GMPR: variants seen among roughly 807,000 people sequenced by gnomAD.
GMPR encodes the protein GMP reductase 1.
In GMPR, 31 loss-of-function variants were observed where a neutral mutation model predicts 38.4. The ratio of observed to expected loss-of-function variants is 0.81; its 90% confidence interval spans 0.61 to 1.09. GMPR has a LOEUF of 1.09. Among genes scored for constraint, GMPR ranks in the 50% least tolerant of loss-of-function variants. The pLI is 0.00. For missense variants in GMPR, 468 were observed against 453.7 expected (o/e 1.03, Z -0.29); for synonymous variants, 162 against 173.3 (o/e 0.93, Z 0.51).
At chr6:16,250,463 T>C (rs140914989) in intron 3 of GMPR, 96 bp downstream of exon 3, 197 of 780,064 alleles carry the variant, frequency 2.5e-4, no homozygotes, top group Non-Finnish European at 4.3e-4. Flanking sequence ...CAGAGAGACA[T>C]TGAGAGTTCG....
chr6:16,285,656 A>G, intron 6 of GMPR, 137 bp from the exon 7 acceptor site: 2 of 702,460 alleles, frequency 2.8e-6, no homozygotes, highest in Non-Finnish European at 2.6e-6. Flanking sequence ...CAGCCGTGGT[A>G]GGGGAACTTG....
intron 5 of GMPR, 59 bp from the exon 6 acceptor site, chr6:16,278,725 A>G: frequency 8.5e-7 from 1 of 1,175,674 alleles, no homozygotes; most frequent in Non-Finnish European, 1.3e-6. Flanking sequence ...GACGCATTTC[A>G]TGTCACAGTC....
At chr6:16,264,233 T>C (rs940859914) in intron 4 of GMPR, 2 of 153,482 alleles carry the variant, frequency 1.3e-5, no homozygotes, top group African/African-American at 2.4e-5. Flanking sequence ...ATGAAAGGAA[T>C]TGAAATTAAA....
At chr6:16,267,312 C>T (rs1037392536) in intron 4 of GMPR, among the ~76,000 whole-genome samples, 1 of 152,100 alleles carries the variant, frequency 6.6e-6, no homozygotes, top group South Asian at 2.1e-4. Flanking sequence ...GTGGAGCTTG[C>T]AGTGAGCCGA....
intron 4 of GMPR, among the ~76,000 whole-genome samples, chr6:16,270,687 C>T (rs1759367155): frequency 6.6e-6 from 1 of 152,200 alleles, no homozygotes; most frequent in African/African-American, 2.4e-5. Flanking sequence ...CCAATGGAAA[C>T]TCCCCCGTCC....
intron 4 of GMPR, among the ~76,000 whole-genome samples, chr6:16,254,941 C>T (rs986645828): frequency 2.0e-5 from 3 of 152,028 alleles, no homozygotes; most frequent in Non-Finnish European, 4.4e-5. Context: ...ATAAAATCCC[C>T]ATCAACTTCA....
intron 4 of GMPR, among the ~76,000 whole-genome samples, chr6:16,269,752 G>A (rs1384116369): frequency 6.6e-6 from 1 of 152,200 alleles, no homozygotes; most frequent in Non-Finnish European, 1.5e-5. Flanking sequence ...AGCTGTGATT[G>A]CGCCATTGCA....
At chr6:16,274,324 C>A in intron 4 of GMPR, 91 bp from the exon 5 acceptor site, 1 of 834,362 alleles carries the variant, frequency 1.2e-6, no homozygotes, top group Non-Finnish European at 2.1e-6. Context: ...GGCTTTAGGA[C>A]ATGCACATCC....
intron 5 of GMPR, among the ~76,000 whole-genome samples, chr6:16,278,564 A>G (rs778791734): frequency 2.6e-5 from 4 of 152,130 alleles, no homozygotes; most frequent in Non-Finnish European, 5.9e-5. Context: ...GACATCAGCC[A>G]GTGACAGTGA....
chr6:16,283,768 C>A (rs562322249), intron 6 of GMPR, among the ~76,000 whole-genome samples: 2 of 152,174 alleles, frequency 1.3e-5, no homozygotes, highest in African/African-American at 4.8e-5. Context: ...AATGAGTGAA[C>A]AAAAGAGTGA....
intron 3 of GMPR, 105 bp downstream of exon 3, chr6:16,250,472 C>T (rs7747634): frequency 8.0e-6 from 6 of 750,802 alleles, no homozygotes; most frequent in Non-Finnish European, 1.5e-5. Flanking sequence ...ATTGAGAGTT[C>T]GGTGTTTCTC....
In GMPR at chr6:16,290,575, T is replaced by C; in HGVS notation, c.811T>C (p.Ser271Pro). Reference protein sequence around the residue: ...RKLKLFYGMSSDTAMNKHAGG... With the variant: ...RKLKLFYGMSPDTAMNKHAGG... ...GCTCAAGCTCTTCTACGGGATGAGCTCTGACACCGCCATGAACAAGCACGC... is the reference window on the plus strand; with the variant it reads ...GCTCAAGCTCTTCTACGGGATGAGCCCTGACACCGCCATGAACAAGCACGC... Residue 271 changes from serine to proline, a missense_variant, in exon 8 of 9, where the codon TCT (serine) becomes CCT (proline). Coordinates refer to ENST00000259727, the MANE Select transcript of GMPR (RefSeq NM_006877.4). 6.2e-7 allele frequency: 1 copy of C among 1,614,144 alleles called. No homozygotes were observed.
At chr6:16,250,870 CT>C (rs1758858337) in intron 3 of GMPR, among the ~76,000 whole-genome samples, 1 of 145,908 alleles carries the variant, frequency 6.9e-6, no homozygotes. Flanking sequence ...AGTGAGGGGT[CT>C]CTTTTTAAAA....
At chr6:16,267,703 G>T (rs564907956) in intron 4 of GMPR, among the ~76,000 whole-genome samples, 152 of 152,268 alleles carry the variant, frequency 1.0e-3, no homozygotes, top group Non-Finnish European at 1.7e-3. Context: ...AGACATACTG[G>T]GACTTGGAGG....
intron 1 of GMPR, among the ~76,000 whole-genome samples, chr6:16,243,207 A>G (rs1758682763): frequency 6.6e-6 from 1 of 152,218 alleles, no homozygotes. Context: ...TACACATAAT[A>G]TGTCCAGCAC....
intron 3 of GMPR, among the ~76,000 whole-genome samples, chr6:16,252,611 G>A (rs1396445204): frequency 1.3e-5 from 2 of 152,160 alleles, no homozygotes; most frequent in Non-Finnish European, 2.9e-5. Context: ...TACCAAGTGT[G>A]ATACATCGAC....
At position 16,295,020 on chromosome 6, in the gene GMPR, A is replaced by G; in HGVS notation, c.872A>G (p.Lys291Arg). 1 of 1,609,382 alleles carries G rather than the reference A, an allele frequency of 6.2e-7. No individual in the cohort carries two copies. The highest frequency in any genetic ancestry group is 8.5e-7 in the Non-Finnish European group (1 of 1,177,942). ...GVAEYRASEG[K>R]TVEVPYKGDV... ...TCGTCTTCCAGAGCCTCTGAGGGTA[A>G]GACTGTGGAAGTTCCTTACAAAGGA... is the stretch of plus-strand genomic sequence containing the variant. The change falls in exon 9 of 9, where the codon AAG (lysine) becomes AGG (arginine). Residue 291 changes from lysine to arginine, a missense_variant. Physicochemically the swap from Lys to Arg is conservative, Grantham distance 26. Transcript: ENST00000259727.
At chr6:16,245,848 G>A (rs752325863) in intron 1 of GMPR, among the ~76,000 whole-genome samples, 3 of 152,216 alleles carry the variant, frequency 2.0e-5, no homozygotes, top group Admixed American at 1.3e-4. Context: ...TCTGGTCGGA[G>A]GATCCAGGCC....
chr6:16,292,000 A>T (rs543480802), intron 8 of GMPR, among the ~76,000 whole-genome samples: 2 of 152,080 alleles, frequency 1.3e-5, no homozygotes, highest in South Asian at 2.1e-4. Flanking sequence ...GTTAGCGCCG[A>T]TGACAAGCTA....
Sources: allele counts gnomAD v4.1 joint callset (sites outside exome capture counted in the v4.1 genomes callset), GRCh38; gene constraint gnomAD v4.1.1; transcripts MANE v1.5; gene names NCBI Gene and HGNC (gene_info 2026-07-23, HGNC 2026-07-21).